SPNS1: variants seen among roughly 807,000 people sequenced by gnomAD.
SPNS1 encodes SPNS lysolipid transporter 1, lysophospholipid, also known as protein spinster homolog 1.
Under a neutral mutation model 50.3 loss-of-function variants are expected in SPNS1, and 22 were observed. The ratio of observed to expected loss-of-function variants is 0.44; its 90% CI spans 0.31 to 0.62. The LOEUF (loss-of-function observed/expected upper bound fraction) is 0.62. Among genes scored for constraint, SPNS1 ranks in the 20% least tolerant of loss-of-function variants. SPNS1 has a pLI of 0.07. For missense variants in SPNS1, 576 were observed against 728.6 expected, an observed-to-expected ratio of 0.79 and a Z score of 2.41; for synonymous variants, 295 against 317.4, an observed-to-expected ratio of 0.93 and a Z score of 0.75.
In SPNS1 at chr16:28,975,117, G is replaced by A. The variant is rs1169232980; in HGVS notation, c.-35G>A. 6.8e-7 allele frequency: 1 copy of A among 1,466,396 alleles called. No homozygotes were observed. The highest frequency in any genetic ancestry group is 2.5e-5 in the East Asian group (1 of 39,726). 90.8% of individuals were successfully genotyped at this position (1,466,396 alleles called of 1,614,324 possible). A position where few individuals can be genotyped will look rare whatever the true frequency, so the allele number is the denominator to read the frequency against. On this transcript the variant is annotated 5_prime_UTR_variant, in exon 1 of 12. Coordinates refer to ENST00000311008, the MANE Select transcript of SPNS1 (RefSeq NM_032038.3). ...CCCTCGCAGGTGGGATCGTCGGTGG[G>A]ACCGGAGCGCGGGCGGGCGCGGCCC...
chr16:28,977,868 G>T (rs1485493340), intron 2 of SPNS1, 40 bp from the exon 3 acceptor site: 1 of 1,604,330 alleles, frequency 6.2e-7, no homozygotes, highest in South Asian at 1.1e-5. Context: ...TGGGAGGTAG[G>T]GGTACCTGGG....
chr16:28,978,080 C>A (rs368155910), intron 3 of SPNS1, 36 bp downstream of exon 3: 4 of 1,601,054 alleles, frequency 2.5e-6, no homozygotes, highest in Non-Finnish European at 1.7e-6. Flanking sequence ...TCTGCCCACA[C>A]CCCCTCCCTG....
chr16:28,978,378 G>A (rs1308517932), intron 3 of SPNS1: 1 of 226,862 alleles, frequency 4.4e-6, no homozygotes, highest in Non-Finnish European at 8.8e-6. Context: ...TGGTGCCAGT[G>A]TGGGTAAAAG....
Position 28,979,255 on chromosome 16 carries a change from A to G in SPNS1, c.545A>G (p.Asp182Gly). 1.2e-6 allele frequency: 2 copies of G among 1,614,078 alleles called. No homozygotes were observed. Among genetic ancestry groups the G allele is most frequent in the South Asian group, 2.2e-5 (2 of 91,076 alleles). ...CTCATTGCCGACCTCTTTGTGGCCG[A>G]CCAGCGGAGCCGGATGCTCAGCATC... ...PTLIADLFVA[D>G]QRSRMLSIFY... The change falls in exon 4 of 12, where the codon GAC becomes GGC. Residue 182 changes from aspartate (D) to glycine (G), a missense_variant. Asp to Gly is a moderately conservative substitution (Grantham distance 94). Coordinates refer to ENST00000311008, the MANE Select transcript of SPNS1 (RefSeq NM_032038.3).
chr16:28,982,556 A>T lies in SPNS1; in HGVS notation c.1155+11A>T. ...ATCGTGGCCACTTATGTGAGTAGCC[A>T]GCAGGTGTCAAGGGGGATGGCGTGG... On this transcript the variant is annotated intron_variant, in intron 8 of 11. Coordinates refer to ENST00000311008, the MANE Select transcript of SPNS1 (RefSeq NM_032038.3). 1 of 1,594,868 alleles carries T rather than the reference A, an allele frequency of 6.3e-7. No individual in the cohort carries two copies. Among genetic ancestry groups the T allele is most frequent in the Admixed American group, 1.7e-5 (1 of 58,652 alleles).
Position 28,974,919 on chromosome 16 carries a change from A to C in SPNS1, c.-233A>C. ...CCTCTTCAGCCCGCTCCTGTCCCCG[A>C]CATCACGTGTATTCCGCACGTCCCC... On this transcript the variant is annotated 5_prime_UTR_variant, in exon 1 of 12. Coordinates refer to ENST00000311008, the MANE Select transcript of SPNS1 (RefSeq NM_032038.3). The C allele has an allele frequency of 2.0e-6, 3 of 1,519,004 alleles. No individual in the cohort carries two copies. Among genetic ancestry groups the C allele is most frequent in the Non-Finnish European group, 2.6e-6 (3 of 1,137,134 alleles). 94.1% of individuals were successfully genotyped at this position (1,519,004 alleles called of 1,614,324 possible).
In SPNS1 at chr16:28,983,061, C is replaced by T. The variant is rs1003922482; in HGVS notation, c.1222-131C>T. On this transcript the variant is annotated intron_variant, in intron 9 of 11. Coordinates refer to ENST00000311008, the MANE Select transcript of SPNS1 (RefSeq NM_032038.3). The surrounding 1 kb of genome is among the most constrained non-coding windows in gnomAD (Gnocchi z 5.4). ...ATAACATCTGTAGCAGACCCCCGGC[C>T]TGCCCTGCGACCTCAACCCCAGGCA... 1.6e-6 allele frequency: 2 copies of T among 1,237,164 alleles called. No individual in the cohort carries two copies. Among genetic ancestry groups the T allele is most frequent in the Non-Finnish European group, 2.3e-6 (2 of 859,352 alleles). 76.6% of individuals were successfully genotyped at this position (1,237,164 alleles called of 1,614,324 possible).
At chr16:28,979,379 C>CT (rs1965465211) in intron 4 of SPNS1, 26 bp from the exon 5 acceptor site, 3 of 1,614,084 alleles carry the variant, frequency 1.9e-6, no homozygotes, top group Non-Finnish European at 2.5e-6. Context: ...GCTGTCCCCC[C>CT]TTTTTCCCCT....
Position 28,975,189 on chromosome 16 carries a change from C to A in SPNS1, c.38C>A (p.Ala13Glu), listed in dbSNP as rs1191129797. The A allele has an allele frequency of 6.7e-6, 10 of 1,496,032 alleles. No homozygotes were observed. In the East Asian group the frequency reaches 2.0e-4, roughly 30 times the overall value. 92.7% of individuals were successfully genotyped at this position (1,496,032 alleles called of 1,614,324 possible). The change falls in exon 1 of 12, where the codon GCG becomes GAG. Residue 13 changes from alanine to glutamate, a missense_variant. This residue lies in a region of SPNS1 where 144 missense variants were observed against 181.2 expected (regional missense o/e 0.79). Transcript: ENST00000311008. ...GSDTAPFLSQ[A>E]DDPDDGPVPG... ...GACACCGCGCCCTTCCTCAGCCAGGCGGATGACCCGGACGACGGGCCAGTG... is the reference window on the plus strand; with the variant it reads ...GACACCGCGCCCTTCCTCAGCCAGGAGGATGACCCGGACGACGGGCCAGTG...
intron 8 of SPNS1, 32 bp downstream of exon 8, chr16:28,982,577 C>A: frequency 6.3e-7 from 1 of 1,578,240 alleles, no homozygotes. Flanking sequence ...AGGGGGATGG[C>A]GTGGGTCCAG....
chr16:28,983,345 G>C lies in SPNS1; in HGVS notation c.1320+55G>C. On this transcript the variant is annotated intron_variant, in intron 10 of 11. Coordinates refer to ENST00000311008, the MANE Select transcript of SPNS1 (RefSeq NM_032038.3). The surrounding 1 kb of genome is among the most constrained non-coding windows in gnomAD (Gnocchi z 5.4). ...TGGCTGGTGTCCTGAGCCTGGGCTG[G>C]ATCAGAAGGCCTGGCCCTAGTGAAG... The C allele has an allele frequency of 7.1e-7, 1 of 1,416,290 alleles. No homozygotes were observed. Among genetic ancestry groups the C allele is most frequent in the Non-Finnish European group, 1.0e-6 (1 of 1,000,256 alleles). 87.7% of individuals were successfully genotyped at this position (1,416,290 alleles called of 1,614,324 possible).
At position 28,980,938 on chromosome 16, in the gene SPNS1, C is replaced by A. The variant is rs547368053; in HGVS notation, c.664-532C>A. On this transcript the variant is annotated intron_variant, in intron 5 of 11. Transcript: ENST00000311008. ...TTTCTTCCTGAAAGTCCCAGGTGAG[C>A]TTCAGTCAGGTAAAGCTGGATCCAG... 4.6e-5 allele frequency among the ~76,000 whole-genome samples: 7 copies of A among 152,340 alleles called. No homozygotes were observed. In the South Asian group the frequency reaches 1.4e-3, roughly 32 times the overall value.
chr16:28,983,713 G>C lies in SPNS1; in HGVS notation c.1321-73G>C. 2 of 1,480,862 alleles carry C rather than the reference G, an allele frequency of 1.4e-6. No homozygotes were observed. Among genetic ancestry groups the C allele is most frequent in the Non-Finnish European group, 1.8e-6 (2 of 1,111,618 alleles). The allele number at this position is 1,480,862 out of a possible 1,614,324, so 91.7% of individuals were successfully genotyped here. On this transcript the variant is annotated intron_variant, in intron 10 of 11. Transcript: ENST00000311008. The surrounding 1 kb of genome is among the most constrained non-coding windows in gnomAD (Gnocchi z 5.4). ...GGCTCCACTTGTCTTTCTCCCTGGAGCTCAGGGGCGTGCCCTCCCTGGTTC... is the reference window on the plus strand; with the variant it reads ...GGCTCCACTTGTCTTTCTCCCTGGACCTCAGGGGCGTGCCCTCCCTGGTTC...
rs1965602482 is a variant in SPNS1 at position 28,982,842 on chromosome 16, CCT to C, written c.1156-10_1156-9del. Reference sequence around the variant, plus strand: ...GCCCTTACTGTCATGAACCCCCGACCCTCTCTTCCCCCAGATTTTCATCTTCA... The same window carrying C: ...GCCCTTACTGTCATGAACCCCCGACCCTCTTCCCCCAGATTTTCATCTTCA... On this transcript the variant is annotated splice_polypyrimidine_tract_variant and intron_variant, in intron 8 of 11. Coordinates refer to ENST00000311008, the MANE Select transcript of SPNS1 (RefSeq NM_032038.3). The C allele has an allele frequency of 6.2e-7, 1 of 1,613,658 alleles. No individual in the cohort carries two copies. The highest frequency in any genetic ancestry group is 1.7e-5 in the Admixed American group (1 of 59,984).
At position 28,981,346 on chromosome 16, in the gene SPNS1, G is replaced by A. The variant is rs945794057; in HGVS notation, c.664-124G>A. 2.3e-6 allele frequency: 3 copies of A among 1,298,418 alleles called. No individual in the cohort carries two copies. Among genetic ancestry groups the A allele is most frequent in the Non-Finnish European group, 3.2e-6 (3 of 952,010 alleles). 80.4% of individuals were successfully genotyped at this position (1,298,418 alleles called of 1,614,324 possible). On this transcript the variant is annotated intron_variant, in intron 5 of 11. Coordinates refer to ENST00000311008, the MANE Select transcript of SPNS1 (RefSeq NM_032038.3). The surrounding 1 kb of genome is among the most constrained non-coding windows in gnomAD (Gnocchi z 4.2). ...CCCAGATTGCAGGTTCGGCTTCTTG[G>A]AGCAGGCACTTAACTGGGTATTTTA...
At position 28,983,240 on chromosome 16, in the gene SPNS1, G is replaced by A. The variant is rs760707201; in HGVS notation, c.1270G>A (p.Val424Met). 4.3e-6 allele frequency: 7 copies of A among 1,614,078 alleles called. No individual in the cohort carries two copies. Among genetic ancestry groups the A allele is most frequent in the East Asian group, 4.5e-5 (2 of 44,872 alleles). The change falls in exon 10 of 12, where the codon GTG becomes ATG. Residue 424 changes from valine to methionine, a missense_variant. This residue lies in a region of SPNS1 where 428 missense variants were observed against 520.1 expected (regional missense o/e 0.82). Transcript: ENST00000311008. This position sits in a 1 kb window ranked among gnomAD's most constrained non-coding sequence, Gnocchi z 5.4. ...RRSTAEAFQI[V>M]LSHLLGDAGS... is the part of the protein sequence containing the mutation. The stretch of plus-strand genomic sequence containing the variant: ...CTCCACCGCCGAGGCCTTCCAGATC[G>A]TGCTGTCCCACCTGCTGGGTGATGC...
rs1204221428 is a variant in SPNS1, at chr16:28,984,417, G to A, written c.*118G>A. The A allele has an allele frequency of 1.2e-5, 13 of 1,043,090 alleles. 1 individual carries two copies. The highest frequency in any genetic ancestry group is 2.0e-4 in the Middle Eastern group (1 of 5,022). The allele number at this position is 1,043,090 out of a possible 1,614,324, so 64.6% of individuals were successfully genotyped here. A position where few individuals can be genotyped will look rare whatever the true frequency, so the allele number is the denominator to read the frequency against. On this transcript the variant is annotated 3_prime_UTR_variant, in exon 12 of 12. Transcript: ENST00000311008. ...CTTCCAGAGGGACCCTGGGCCGTGT[G>A]CCAGCTCCCAGACACTACCTGGGTA...
In SPNS1 at chr16:28,983,417, T is replaced by C. The variant is rs1399174813; in HGVS notation, c.1320+127T>C. The C allele has an allele frequency of 8.0e-6, 6 of 753,406 alleles. No homozygotes were observed. The highest frequency in any genetic ancestry group is 1.4e-5 in the Non-Finnish European group (6 of 440,610). 46.7% of individuals were successfully genotyped at this position (753,406 alleles called of 1,614,324 possible). A position where few individuals can be genotyped will look rare whatever the true frequency, so the allele number is the denominator to read the frequency against. ...GCACTTCTCACCTTCCATTGTCAACTGGAGGAGAAAGATTTTGTCTTTGAA... is the reference window on the plus strand; with the variant it reads ...GCACTTCTCACCTTCCATTGTCAACCGGAGGAGAAAGATTTTGTCTTTGAA... On this transcript the variant is annotated intron_variant, in intron 10 of 11. Transcript: ENST00000311008. This position sits in a 1 kb window ranked among gnomAD's most constrained non-coding sequence, Gnocchi z 5.4.
At chr16:28,978,832 A>C (rs1965434116) in intron 3 of SPNS1, 1 of 286,138 alleles carries the variant, frequency 3.5e-6, no homozygotes, top group Admixed American at 4.8e-5. Flanking sequence ...ATTAAAAAAA[A>C]AAAATTAAAA....
Sources: allele counts gnomAD v4.1 joint callset (sites outside exome capture counted in the v4.1 genomes callset), GRCh38; gene constraint gnomAD v4.1.1; regional missense constraint gnomAD v4.1.1; non-coding constraint Gnocchi (gnomAD v3.1); transcripts MANE v1.5; gene names NCBI Gene and HGNC (gene_info 2026-07-23, HGNC 2026-07-21).